GABRG3: variants seen among roughly 807,000 people sequenced by gnomAD.
GABRG3 encodes gamma-aminobutyric acid type A receptor subunit gamma3.
In GABRG3, 25 loss-of-function variants were observed where a neutral mutation model predicts 48.8. The ratio of observed to expected loss-of-function variants is 0.51; its 90% CI spans 0.37 to 0.72. The LOEUF is 0.72. Among genes scored for constraint, GABRG3 ranks in the 30% least tolerant of loss-of-function variants. The probability of loss-of-function intolerance (pLI) is 0.00; values close to 1 mark genes in which losing one functional copy is unlikely to be tolerated. For missense variants in GABRG3, 394 were observed against 577.9 expected, an observed-to-expected ratio of 0.68 and a Z score of 3.26; for synonymous variants, 227 against 217.6, an observed-to-expected ratio of 1.04 and a Z score of -0.38.
chr15:27,153,899 A>G (rs528022964), intron 3 of GABRG3, among the ~76,000 whole-genome samples: 1 of 152,250 alleles, frequency 6.6e-6, no homozygotes, highest in East Asian at 1.9e-4. Flanking sequence ...TTCTCTCTTC[A>G]GATTGTGTTT....
chr15:27,336,237 G>GAGAGAGAGAGAGAGAGAGAGAGAAAGAA (rs1566792015), intron 5 of GABRG3, among the ~76,000 whole-genome samples: 1 of 143,418 alleles, frequency 7.0e-6, no homozygotes, highest in African/African-American at 2.8e-5. Context: ...AGAGAGAGGA[G>GAGAGAGAGAGAGAGAGAGAGAGAAAGAA]AAGAAAAGAA....
At chr15:27,067,476 A>G (rs995412316) in intron 3 of GABRG3, among the ~76,000 whole-genome samples, 3 of 152,056 alleles carry the variant, frequency 2.0e-5, no homozygotes, top group East Asian at 1.9e-4. Context: ...GTTTTGTCCC[A>G]TGCTCCCCAG....
At position 26,971,478 on chromosome 15, in the gene GABRG3, CG is replaced by C; in HGVS notation, c.-56del. ...GGGCCGGCGGAGACCAGGTCCGCGCCGGAGGAAGCCGCGCCCGGCCGAGGCC... is the reference window on the plus strand; with the variant it reads ...GGGCCGGCGGAGACCAGGTCCGCGCCGAGGAAGCCGCGCCCGGCCGAGGCC... On this transcript the variant is annotated 5_prime_UTR_variant, in exon 1 of 10. Transcript: ENST00000615808. 1 of 1,408,562 alleles carries C rather than the reference CG, an allele frequency of 7.1e-7. No homozygotes were observed. Among genetic ancestry groups the C allele is most frequent in the Non-Finnish European group, 9.4e-7 (1 of 1,061,542 alleles). The allele number at this position is 1,408,562 out of a possible 1,614,324, so 87.3% of individuals were successfully genotyped here.
chr15:27,524,241 A>G (rs541888669), intron 7 of GABRG3, among the ~76,000 whole-genome samples: 1 of 152,228 alleles, frequency 6.6e-6, no homozygotes, highest in South Asian at 2.1e-4. Flanking sequence ...TTAATGCTGA[A>G]TGGAAATAAT....
chr15:27,092,597 G>T (rs1481984402), intron 3 of GABRG3, among the ~76,000 whole-genome samples: 1 of 152,196 alleles, frequency 6.6e-6, no homozygotes, highest in African/African-American at 2.4e-5. Context: ...CGTGTGAGCT[G>T]CCGTGCAGCG....
In GABRG3 at chr15:27,352,599, C is replaced by T. The variant is rs1006788709; in HGVS notation, c.574+23711C>T. Among the ~76,000 whole-genome samples, 1 of 152,082 alleles carries T rather than the reference C, an allele frequency of 6.6e-6. No homozygotes were observed. The highest frequency in any genetic ancestry group is 1.5e-5 in the Non-Finnish European group (1 of 68,002). ...TTCTGTCCGACCTGTGGGACAGGCG[C>T]TCACACCACCCCACACTGCCCCGGG... On this transcript the variant is annotated intron_variant, in intron 5 of 9. Transcript: ENST00000615808. The surrounding 1 kb of genome is among the most constrained non-coding windows in gnomAD (Gnocchi z 4.0).
chr15:27,483,082 A>G (rs111408050), intron 6 of GABRG3: 1 of 152,374 alleles, frequency 6.6e-6, no homozygotes, highest in African/African-American at 2.4e-5. Context: ...GTTCAAAAAC[A>G]TTAGTCACTG....
intron 3 of GABRG3, among the ~76,000 whole-genome samples, chr15:27,281,526 A>G (rs1177558236): frequency 6.7e-6 from 1 of 149,174 alleles, no homozygotes; most frequent in Non-Finnish European, 1.5e-5. Context: ...TTTAGGGGGT[A>G]TATCTTTTTG....
chr15:27,462,900 A>G (rs972756220), intron 5 of GABRG3, among the ~76,000 whole-genome samples: 1 of 152,186 alleles, frequency 6.6e-6, no homozygotes, highest in East Asian at 1.9e-4. Context: ...TTTCAATAAA[A>G]ACACTATGTA....
intron 3 of GABRG3, among the ~76,000 whole-genome samples, chr15:27,071,163 C>A (rs1009681760): frequency 6.6e-6 from 1 of 152,162 alleles, no homozygotes. Flanking sequence ...GTCACAACCC[C>A]TGGTCCCTGG....
intron 5 of GABRG3, among the ~76,000 whole-genome samples, chr15:27,409,684 A>G (rs1887740693): frequency 6.6e-6 from 1 of 152,170 alleles, no homozygotes; most frequent in East Asian, 1.9e-4. Context: ...TGTTATACTG[A>G]GTCTTCCAAA....
chr15:27,276,130 C>A (rs1243866687), intron 3 of GABRG3, among the ~76,000 whole-genome samples: 1 of 152,162 alleles, frequency 6.6e-6, no homozygotes, highest in African/African-American at 2.4e-5. Flanking sequence ...TTGCATTTGG[C>A]AGAGACTTAA....
chr15:27,307,817 A>T (rs1362655658), intron 3 of GABRG3, among the ~76,000 whole-genome samples: 1 of 100,172 alleles, frequency 1.0e-5, no homozygotes, highest in African/African-American at 4.0e-5. Flanking sequence ...AAACATATAT[A>T]AAATAAACAT....
chr15:27,313,258 GTGTGTATATATATATATATA>G (rs1893071740), intron 3 of GABRG3, among the ~76,000 whole-genome samples: 1 of 53,052 alleles, frequency 1.9e-5, no homozygotes. Flanking sequence ...GTGTGTGTGT[GTGTGTATATATATATATATA>G]TATATATATA....
chr15:27,194,377 T>C (rs1888429929), intron 3 of GABRG3, among the ~76,000 whole-genome samples: 1 of 152,246 alleles, frequency 6.6e-6, no homozygotes, highest in South Asian at 2.1e-4. Context: ...TTTTGTGAAG[T>C]TCCAAACCTT....
intron 6 of GABRG3, among the ~76,000 whole-genome samples, chr15:27,492,443 G>T (rs1423962460): frequency 1.3e-5 from 2 of 152,192 alleles, no homozygotes; most frequent in East Asian, 3.9e-4. Context: ...AGCCCAGGGT[G>T]ACTGCAGCAG....
intron 3 of GABRG3, among the ~76,000 whole-genome samples, chr15:27,166,534 C>T (rs75963061): frequency 0.013 from 1,970 of 152,142 alleles, 46 homozygotes; most frequent in African/African-American, 0.046. Flanking sequence ...CCACTGCCTG[C>T]GCCCCTGGCT....
At chr15:27,100,487 A>G (rs916608596) in intron 3 of GABRG3, among the ~76,000 whole-genome samples, 8 of 152,214 alleles carry the variant, frequency 5.3e-5, no homozygotes, top group Non-Finnish European at 7.3e-5. Context: ...TATGAAGCTA[A>G]TATTACCTGA....
chr15:27,035,085 G>C (rs1896152778), intron 3 of GABRG3, among the ~76,000 whole-genome samples: 1 of 152,196 alleles, frequency 6.6e-6, no homozygotes, highest in African/African-American at 2.4e-5. Flanking sequence ...TCTGGAAGAT[G>C]AAAGGACCAC....
Sources: gnomAD v4.1 joint callset for allele counts (sites outside exome capture counted in the v4.1 genomes callset) on GRCh38, gnomAD v4.1.1 for gene constraint, Gnocchi (gnomAD v3.1) non-coding constraint, MANE v1.5 for transcripts, NCBI Gene and HGNC (gene_info 2026-07-23, HGNC 2026-07-21) for gene names.